The following TRMT1 variants were observed in gnomAD, a reference collection of about 807,000 sequenced individuals.
The protein encoded by TRMT1 is tRNA methyltransferase 1, also known as tRNA (guanine(26)-N(2))-dimethyltransferase.
In TRMT1, 63 loss-of-function variants were observed where a neutral mutation model predicts 75.4. The observed-to-expected ratio is 0.84, with a 90% CI of 0.68 to 1.03. TRMT1 has a LOEUF of 1.03. TRMT1 is among the 50% of genes least tolerant of loss of function. The pLI, the probability that TRMT1 is intolerant of heterozygous loss-of-function variation, is 0.00. For missense variants in TRMT1, 870 were observed against 905.3 expected, an observed-to-expected ratio of 0.96 and a Z score of 0.50; for synonymous variants, 382 against 358.1, an observed-to-expected ratio of 1.07 and a Z score of -0.75.
Position 13,109,830 on chromosome 19 carries a change from A to T in TRMT1, c.1115T>A (p.Phe372Tyr), listed in dbSNP as rs1202644421. The change falls in exon 10 of 17, where the codon TTC (phenylalanine) becomes TAC (tyrosine). Residue 372 changes from phenylalanine to tyrosine, a missense_variant. Phe to Tyr is a conservative substitution (Grantham distance 22). Transcript: ENST00000357720. ...ASGVPSGRAK[F>Y]SAACGPPVTP... The stretch of plus-strand genomic sequence containing the variant: ...CACAGGGGGACCACAGGCTGCAGAG[A>T]ACTTGGCCCTAAACAGAGAGGGGTG... The T allele has an allele frequency of 1.2e-6, 2 of 1,613,950 alleles. No individual in the cohort carries two copies. The highest frequency in any genetic ancestry group is 2.7e-5 in the African/African-American group (2 of 74,870).
chr19:13,107,061 C>T (rs955567677), intron 14 of TRMT1, among the ~76,000 whole-genome samples: 15 of 145,698 alleles, frequency 1.0e-4, no homozygotes, highest in Middle Eastern at 4.0e-3. Flanking sequence ...TGGTCTCAAT[C>T]TCCTGATCTC....
Position 13,113,026 on chromosome 19 carries a change from G to C in TRMT1, c.642-15C>G. 1 of 1,595,694 alleles carries C rather than the reference G, an allele frequency of 6.3e-7. No individual in the cohort carries two copies. Among genetic ancestry groups the C allele is most frequent in the Non-Finnish European group, 8.5e-7 (1 of 1,169,696 alleles). ...ACATCAGCATCCTGGGTGCAAAGAG[G>C]GCCAGGTCCTCAGCCTCCCACGCCA... On this transcript the variant is annotated splice_polypyrimidine_tract_variant and intron_variant, in intron 5 of 16. Coordinates refer to ENST00000357720, the MANE Select transcript of TRMT1 (RefSeq NM_001136035.4).
chr19:13,109,402 G>A lies in TRMT1; in HGVS notation c.1376C>T (p.Thr459Ile). The change falls in exon 12 of 17, where the codon ACA becomes ATA. Residue 459 changes from threonine (T) to isoleucine (I), a missense_variant. Physicochemically the swap from Thr to Ile is moderately conservative, Grantham distance 89 (BLOSUM62 -1). Transcript: ENST00000357720. Reference protein sequence around the residue: ...DQLSSTIHCNTPSLLQLRSAL... With the variant: ...DQLSSTIHCNIPSLLQLRSAL... ...TTACCGCAACTGCAGGAGGCTTGGT[G>A]TGTTGCAGTGGATGGTGCTGCTCAG... The A allele has an allele frequency of 6.2e-7, 1 of 1,613,056 alleles. No homozygotes were observed. Among genetic ancestry groups the A allele is most frequent in the African/African-American group, 1.3e-5 (1 of 74,982 alleles).
intron 9 of TRMT1, 30 bp from the exon 10 acceptor site, chr19:13,109,868 G>A (rs752110759): frequency 1.9e-6 from 3 of 1,614,018 alleles, no homozygotes; most frequent in East Asian, 2.2e-5. Context: ...TGGTGGGGAG[G>A]GAGGAAAACC....
At chr19:13,107,985 CTTTTTTTTTTTTTT>C (rs71168652) in intron 12 of TRMT1, 126 bp from the exon 13 acceptor site, 14 of 328,566 alleles carry the variant, frequency 4.3e-5, no homozygotes, top group Admixed American at 9.9e-5. Flanking sequence ...CTTTTCTTTT[CTTTTTTTTTTTTTT>C]TTTTTTTTTG....
intron 14 of TRMT1, 78 bp from the exon 15 acceptor site, chr19:13,105,684 C>T: frequency 7.3e-7 from 1 of 1,368,568 alleles, no homozygotes. Flanking sequence ...CAGGGCCTGT[C>T]CGCCTCCACA....
At position 13,105,483 on chromosome 19, in the gene TRMT1, T is replaced by C. The variant is rs1219106667; in HGVS notation, c.1703+4A>G. 1.2e-6 allele frequency: 2 copies of C among 1,613,706 alleles called. No individual in the cohort carries two copies. The highest frequency in any genetic ancestry group is 3.3e-5 in the Admixed American group (2 of 59,996). On this transcript the variant is annotated splice_donor_region_variant and intron_variant, in intron 15 of 16. Transcript: ENST00000357720. ...AGCCCCACCCCCACCTTACCACCAC[T>C]CACCCTGGCCGGGCACGAGGCCGGG...
chr19:13,106,910 C>T (rs934466702), intron 14 of TRMT1, among the ~76,000 whole-genome samples: 3 of 150,874 alleles, frequency 2.0e-5, no homozygotes, highest in South Asian at 2.1e-4. Flanking sequence ...GCAAGCTCTG[C>T]CCCCCGGGGT....
At position 13,112,876 on chromosome 19, in the gene TRMT1, C is replaced by T; in HGVS notation, c.757+20G>A. Reference sequence around the variant, plus strand: ...AACACCCCAAGCCCTGCTCCCACCCCAGTGCCATCCCCACCTCACCTCCTT... The same window carrying T: ...AACACCCCAAGCCCTGCTCCCACCCTAGTGCCATCCCCACCTCACCTCCTT... On this transcript the variant is annotated intron_variant, in intron 6 of 16. Coordinates refer to ENST00000357720, the MANE Select transcript of TRMT1 (RefSeq NM_001136035.4). 1 of 1,612,752 alleles carries T rather than the reference C, an allele frequency of 6.2e-7. No homozygotes were observed.
At position 13,107,213 on chromosome 19, in the gene TRMT1, C is replaced by T. The variant is rs1599928199; in HGVS notation, c.1583+361G>A. 3.9e-5 allele frequency among the ~76,000 whole-genome samples: 6 copies of T among 151,922 alleles called. 1 individual carries two copies. Among genetic ancestry groups the T allele is most frequent in the Admixed American group, 3.9e-4 (6 of 15,260 alleles). ...GCAATGGCGCGATCTAGACTCACCG[C>T]AACCTCTGCCTCCCAGGTTCAAGCG... On this transcript the variant is annotated intron_variant, in intron 14 of 16. Transcript: ENST00000357720.
In TRMT1 at chr19:13,109,968, G is replaced by A. The variant is rs139341662; in HGVS notation, c.1053C>T (p.Cys351=). The change falls in exon 9 of 17, where the codon TGC becomes TGT. Residue 351 remains cysteine (C), a synonymous_variant. Transcript: ENST00000357720. ...KQALVFQCVG[C]GAFHLQRLGK... ...CGAGACGCTGAAGGTGGAAGGCCCCGCAGCCCACACACTGGAACACCAGCG... is the reference window on the plus strand; with the variant it reads ...CGAGACGCTGAAGGTGGAAGGCCCCACAGCCCACACACTGGAACACCAGCG... 5.3e-5 allele frequency: 86 copies of A among 1,613,492 alleles called. 1 individual carries two copies. Among genetic ancestry groups the A allele is most frequent in the Admixed American group, 1.0e-4 (6 of 60,000 alleles).
At position 13,116,271 on chromosome 19, in the gene TRMT1, G is replaced by A. The variant is rs1227288095; in HGVS notation, c.129C>T (p.Pro43=). The A allele has an allele frequency of 1.2e-6, 2 of 1,614,168 alleles. No individual in the cohort carries two copies. Among genetic ancestry groups the A allele is most frequent in the Admixed American group, 1.7e-5 (1 of 60,032 alleles). ...NTAAMENGTG[P]YGEERPREVQ... ...CTTCACGTGGACGTTCTTCTCCGTA[G>A]GGCCCGGTGCCGTTCTCCATCGCTG... The change falls in exon 2 of 17, where the codon CCC becomes CCT. Residue 43 remains proline (P), a synonymous_variant. Transcript: ENST00000357720.
chr19:13,112,579 G>C (rs2019182822), intron 7 of TRMT1, 126 bp downstream of exon 7: 1 of 804,110 alleles, frequency 1.2e-6, no homozygotes, highest in African/African-American at 1.7e-5. Flanking sequence ...AACAGCCTGG[G>C]ATGCATCTGG....
At chr19:13,107,985 CTTTTTTT>C (rs71168652) in intron 12 of TRMT1, 126 bp from the exon 13 acceptor site, 472 of 332,238 alleles carry the variant, frequency 1.4e-3, no homozygotes, top group Admixed American at 4.2e-3. Flanking sequence ...CTTTTCTTTT[CTTTTTTT>C]TTTTTTTTTT....
At position 13,108,637 on chromosome 19, in the gene TRMT1, C is replaced by T. The variant is rs932796776; in HGVS notation, c.1397+744G>A. 2.0e-5 allele frequency among the ~76,000 whole-genome samples: 3 copies of T among 150,574 alleles called. No homozygotes were observed. In the Admixed American group the frequency reaches 2.0e-4, roughly 10 times the overall value. ...TATTATTATATTTTAAATGGAGTCT[C>T]GCTCTGTTGCCCAGGTTGATGTGCA... On this transcript the variant is annotated intron_variant, in intron 12 of 16. Coordinates refer to ENST00000357720, the MANE Select transcript of TRMT1 (RefSeq NM_001136035.4).
rs765852215 is a variant in TRMT1 at position 13,112,765 on chromosome 19, C to T, written c.810G>A (p.Gly270=). ...TDMAVLAGNS[G]ETCYSKYGAM... is the part of the protein sequence containing the mutation. ...CCCCGTACTTGCTGTAGCACGTCTC[C>T]CCGCTGTTCCCCGCCAACACCGCCA... Residue 270 remains glycine (G), a synonymous_variant, in exon 7 of 17, where the codon GGG becomes GGA. Transcript: ENST00000357720. 1.9e-6 allele frequency: 3 copies of T among 1,614,016 alleles called. No homozygotes were observed. In the East Asian group the frequency reaches 6.7e-5, roughly 36 times the overall value.
rs2145583805 is a variant in TRMT1, at chr19:13,109,679, A to G, written c.1182T>C (p.Gly394=). The G allele has an allele frequency of 1.2e-6, 2 of 1,613,920 alleles. No homozygotes were observed. Among genetic ancestry groups the G allele is most frequent in the Middle Eastern group, 1.6e-4 (1 of 6,062 alleles). Residue 394 remains glycine (G), a synonymous_variant, in exon 11 of 17, where the codon GGT becomes GGC. Coordinates refer to ENST00000357720, the MANE Select transcript of TRMT1 (RefSeq NM_001136035.4). ...GGATGGGCTCTGCCCACATGGGGCCACCAAGCTGGGGGCGCACCGGGGACA... is the reference window on the plus strand; with the variant it reads ...GGATGGGCTCTGCCCACATGGGGCCGCCAAGCTGGGGGCGCACCGGGGACA... The part of the protein sequence containing the change: ...CEHCGQRHQL[G]GPMWAEPIHD...
Position 13,112,786 on chromosome 19 carries a change from C to T in TRMT1, c.789G>A (p.Ala263=), listed in dbSNP as rs199846229. The change falls in exon 7 of 17, where the codon GCG becomes GCA. Residue 263 remains alanine, a synonymous_variant. Coordinates refer to ENST00000357720, the MANE Select transcript of TRMT1 (RefSeq NM_001136035.4). ...TCTCCCCGCTGTTCCCCGCCAACAC[C>T]GCCATGTCTGTGCAGGTCACACACA... ...GLLCVTCTDM[A]VLAGNSGETC... The T allele has an allele frequency of 8.1e-5, 130 of 1,614,148 alleles. No individual in the cohort carries two copies. In the South Asian group the frequency reaches 1.1e-3, roughly 13 times the overall value.
At chr19:13,106,896 C>T (rs1426648409) in intron 14 of TRMT1, among the ~76,000 whole-genome samples, 3 of 150,756 alleles carry the variant, frequency 2.0e-5, no homozygotes, top group Non-Finnish European at 4.4e-5. Flanking sequence ...TATCTCGGCT[C>T]ACTGCAAGCT....
Sources: allele counts gnomAD v4.1 joint callset (sites outside exome capture counted in the v4.1 genomes callset), GRCh38; gene constraint gnomAD v4.1.1; transcripts MANE v1.5; gene names NCBI Gene and HGNC (gene_info 2026-07-23, HGNC 2026-07-21).